Variants in NUTM1 observed in about 807,000 individuals in gnomAD.
NUTM1 encodes the protein NUT family member 1.
In NUTM1, 39 loss-of-function variants were observed where a neutral mutation model predicts 88.7. The observed-to-expected ratio is 0.44, with a 90% CI of 0.34 to 0.57. The LOEUF is 0.57. NUTM1 is among the 20% of genes least tolerant of loss of function. NUTM1 has a pLI of 0.01. For missense variants in NUTM1, 1,350 were observed against 1,414.5 expected (o/e 0.95, Z 0.73); for synonymous variants, 494 against 538.0 (o/e 0.92, Z 1.13).
intron 1 of NUTM1, among the ~76,000 whole-genome samples, chr15:34,344,442 G>A (rs541369569): frequency 6.8e-6 from 1 of 147,790 alleles, no homozygotes; most frequent in African/African-American, 2.5e-5. Flanking sequence ...GGCGGAGGTT[G>A]CAGTGAGCCA....
At position 34,355,205 on chromosome 15, in the gene NUTM1, G is replaced by A. The variant is rs546227657; in HGVS notation, c.1479+68G>A. The A allele has an allele frequency of 5.5e-5, 59 of 1,071,084 alleles. No homozygotes were observed. The African/African-American group carries it at 7.8e-4, about 14-fold the overall frequency. 66.3% of individuals were successfully genotyped at this position (1,071,084 alleles called of 1,614,324 possible). Reference sequence around the variant, plus strand: ...AGATTTTATCTAACCCTACACTGTCGTGGGTGATATGGCTCTAGAGATGAA... The same window carrying A: ...AGATTTTATCTAACCCTACACTGTCATGGGTGATATGGCTCTAGAGATGAA... On this transcript the variant is annotated intron_variant, in intron 7 of 7. Coordinates refer to ENST00000537011, the MANE Select transcript of NUTM1 (RefSeq NM_001284292.2). This position sits in a 1 kb window ranked among gnomAD's most constrained non-coding sequence, Gnocchi z 4.3.
At position 34,343,402 on chromosome 15, in the gene NUTM1, A is replaced by G. The variant is rs1048581115; in HGVS notation, c.-295A>G. On this transcript the variant is annotated 5_prime_UTR_variant, in exon 1 of 8. Transcript: ENST00000537011. The stretch of plus-strand genomic sequence containing the variant: ...CGTATAGAAGCCTGTCTTTGTCTCA[A>G]GATACACACCCATTTCAGGAGCAGT... 2 of 619,378 alleles carry G rather than the reference A, an allele frequency of 3.2e-6. No individual in the cohort carries two copies. The highest frequency in any genetic ancestry group is 5.6e-6 in the Non-Finnish European group (2 of 355,630). 38.4% of individuals were successfully genotyped at this position (619,378 alleles called of 1,614,324 possible). A position where few individuals can be genotyped will look rare whatever the true frequency, so the allele number is the denominator to read the frequency against.
rs376690507 is a variant in NUTM1, at chr15:34,357,480, C to T, written c.3472C>T (p.Arg1158Cys). Reference sequence around the variant, plus strand: ...CACGGGCAGAAGGAAGAAACGACGTCGTAGCCAGTAGGGAGCAGCGGGACC... The same window carrying T: ...CACGGGCAGAAGGAAGAAACGACGTTGTAGCCAGTAGGGAGCAGCGGGACC... Reference protein sequence around the residue: ...FVTGRRKKRRRSQ With the variant: ...FVTGRRKKRRCSQ The change falls in exon 8 of 8, where the codon CGT becomes TGT. Residue 1158 changes from arginine to cysteine, a missense_variant. Arg to Cys is a radical substitution (Grantham distance 180, BLOSUM62 -3). Transcript: ENST00000537011. 75 of 1,612,692 alleles carry T rather than the reference C, an allele frequency of 4.7e-5. No individual in the cohort carries two copies. In the Middle Eastern group the frequency reaches 8.2e-4, roughly 18 times the overall value.
Position 34,344,395 on chromosome 15 carries a change from C to T in NUTM1, c.6+693C>T, listed in dbSNP as rs192984044. 1.9e-3 allele frequency among the ~76,000 whole-genome samples: 277 copies of T among 144,834 alleles called. 1 individual carries two copies. Among genetic ancestry groups the T allele is most frequent in the Non-Finnish European group, 3.4e-3 (224 of 66,574 alleles). ...GCGGGCACCTGTAGTCCCAGCTACT[C>T]GGGAGGCTGAGGCAGGAGAATCACT... is the stretch of plus-strand genomic sequence containing the variant. On this transcript the variant is annotated intron_variant, in intron 1 of 7. Coordinates refer to ENST00000537011, the MANE Select transcript of NUTM1 (RefSeq NM_001284292.2).
At position 34,356,670 on chromosome 15, in the gene NUTM1, C is replaced by A; in HGVS notation, c.2662C>A (p.Pro888Thr). 2 of 1,613,816 alleles carry A rather than the reference C, an allele frequency of 1.2e-6. No homozygotes were observed. The highest frequency in any genetic ancestry group is 1.7e-6 in the Non-Finnish European group (2 of 1,179,954). Residue 888 changes from proline to threonine, a missense_variant, in exon 8 of 8, where the codon CCC (proline) becomes ACC (threonine). Physicochemically the swap from Pro to Thr is conservative, Grantham distance 38 (BLOSUM62 -1). This residue lies in a region of NUTM1 where 730 missense variants were observed against 728.8 expected (regional missense o/e 1.00). Coordinates refer to ENST00000537011, the MANE Select transcript of NUTM1 (RefSeq NM_001284292.2). The stretch of plus-strand genomic sequence containing the variant: ...GGGGTCTTCCAAAGAAACCCTTCCA[C>A]CCACATGCCAAGGCAATCTCCTTAT... ...TLGSSKETLP[P>T]TCQGNLLIMG...
chr15:34,355,987 G>T lies in NUTM1; in HGVS notation c.1979G>T (p.Ser660Ile). ...LCWQGGFQPESTPSLDAGLAE... is the reference protein window; with the variant it reads ...LCWQGGFQPEITPSLDAGLAE... ...TGGCAGGGAGGCTTCCAGCCTGAGAGCACTCCCAGTTTGGATGCTGGACTT... is the reference window on the plus strand; with the variant it reads ...TGGCAGGGAGGCTTCCAGCCTGAGATCACTCCCAGTTTGGATGCTGGACTT... The change falls in exon 8 of 8, where the codon AGC becomes ATC. Residue 660 changes from serine (S) to isoleucine (I), a missense_variant. Physicochemically the swap from Ser to Ile is moderately radical, Grantham distance 142 (BLOSUM62 -2). Transcript: ENST00000537011. The surrounding 1 kb of genome is among the most constrained non-coding windows in gnomAD (Gnocchi z 4.3). 1 of 1,614,194 alleles carries T rather than the reference G, an allele frequency of 6.2e-7. No homozygotes were observed. The highest frequency in any genetic ancestry group is 8.5e-7 in the Non-Finnish European group (1 of 1,180,026).
At chr15:34,354,132 G>T (rs1595612570) in intron 5 of NUTM1, among the ~76,000 whole-genome samples, 1 of 152,030 alleles carries the variant, frequency 6.6e-6, no homozygotes, top group Non-Finnish European at 1.5e-5. Flanking sequence ...TACCTCATCT[G>T]CCTAAGAAAT....
intron 4 of NUTM1, among the ~76,000 whole-genome samples, chr15:34,353,187 A>ATTCT (rs1249980546): frequency 6.8e-6 from 1 of 146,978 alleles, no homozygotes; most frequent in Non-Finnish European, 1.5e-5. Flanking sequence ...GCCTGGCCTC[A>ATTCT]TTCTTTACTT....
chr15:34,356,438 G>C lies in NUTM1; in HGVS notation c.2430G>C (p.Glu810Asp), dbSNP rs1890812104. The stretch of plus-strand genomic sequence containing the variant: ...AAACCCTAGTACCTGGGGATACGGA[G>C]AGCAGTGTGATTCCCTGTGGAGGCA... ...PGETLVPGDT[E>D]SSVIPCGGTV... The change falls in exon 8 of 8, where the codon GAG becomes GAC. Residue 810 changes from glutamate to aspartate, a missense_variant. Transcript: ENST00000537011. 2 of 1,611,204 alleles carry C rather than the reference G, an allele frequency of 1.2e-6. No individual in the cohort carries two copies. The highest frequency in any genetic ancestry group is 1.6e-4 in the Middle Eastern group (1 of 6,062).
In NUTM1 at chr15:34,343,625, G is replaced by A. The variant is rs1400600765; in HGVS notation, c.-72G>A. 2 of 1,535,236 alleles carry A rather than the reference G, an allele frequency of 1.3e-6. No individual in the cohort carries two copies. The highest frequency in any genetic ancestry group is 1.2e-5 in the South Asian group (1 of 84,046). On this transcript the variant is annotated 5_prime_UTR_variant, in exon 1 of 8. Coordinates refer to ENST00000537011, the MANE Select transcript of NUTM1 (RefSeq NM_001284292.2). ...GAGCGTAAAGTTATTTTATGAAACT[G>A]GTGAAGCATGTTTCAGCGGTCGAAC... is the stretch of plus-strand genomic sequence containing the variant.
At position 34,356,319 on chromosome 15, in the gene NUTM1, A is replaced by T; in HGVS notation, c.2311A>T (p.Ile771Leu). The change falls in exon 8 of 8, where the codon ATA becomes TTA. Residue 771 changes from isoleucine (I) to leucine (L), a missense_variant. By Grantham distance (5) the Ile-to-Leu change is conservative. Coordinates refer to ENST00000537011, the MANE Select transcript of NUTM1 (RefSeq NM_001284292.2). ...GCTGCCTGTACAAATAGAGGAGGTC[A>T]TAGAGAGCTTCCAAGTTGAGAAGTG... ...LELPVQIEEV[I>L]ESFQVEKCVT... The T allele has an allele frequency of 8.1e-6, 13 of 1,613,946 alleles. No homozygotes were observed. Among genetic ancestry groups the T allele is most frequent in the Non-Finnish European group, 1.0e-5 (12 of 1,179,976 alleles).
At position 34,346,412 on chromosome 15, in the gene NUTM1, G is replaced by A. The variant is rs571535258; in HGVS notation, c.100+377G>A. Reference sequence around the variant, plus strand: ...GGCCCAAGTTCATCTGTCTTTTTTAGGCAACTGGAGCCTGTTCTAGGATTT... The same window carrying A: ...GGCCCAAGTTCATCTGTCTTTTTTAAGCAACTGGAGCCTGTTCTAGGATTT... On this transcript the variant is annotated intron_variant, in intron 2 of 7. Coordinates refer to ENST00000537011, the MANE Select transcript of NUTM1 (RefSeq NM_001284292.2). Among the ~76,000 whole-genome samples the A allele has an allele frequency of 8.8e-4, 134 of 151,420 alleles. 1 individual carries two copies. The highest frequency in any genetic ancestry group is 3.1e-3 in the African/African-American group (129 of 41,256).
rs1180198396 is a variant in NUTM1, at chr15:34,348,659, C to A, written c.791C>A (p.Ala264Asp). 1.2e-6 allele frequency: 2 copies of A among 1,603,968 alleles called. No homozygotes were observed. Among genetic ancestry groups the A allele is most frequent in the Non-Finnish European group, 1.7e-6 (2 of 1,177,890 alleles). ...RHLSQSPDTE[A>D]LSCFLIPVLR... ...CTATCCCAGAGTCCTGACACAGAAGCTCTTTCCTGTTTTCTTATGTAAGTG... is the reference window on the plus strand; with the variant it reads ...CTATCCCAGAGTCCTGACACAGAAGATCTTTCCTGTTTTCTTATGTAAGTG... The change falls in exon 3 of 8, where the codon GCT (alanine) becomes GAT (aspartate). Residue 264 changes from alanine to aspartate, a missense_variant. Ala to Asp is a moderately radical substitution (Grantham distance 126). This residue lies in a region of NUTM1 where 399 missense variants were observed against 397.9 expected (regional missense o/e 1.00). Coordinates refer to ENST00000537011, the MANE Select transcript of NUTM1 (RefSeq NM_001284292.2).
At chr15:34,346,084 T>C (rs770420468) in intron 2 of NUTM1, 49 bp downstream of exon 2, 1 of 1,580,604 alleles carries the variant, frequency 6.3e-7, no homozygotes, top group African/African-American at 1.3e-5. Context: ...CTCATATCCT[T>C]TGAGACAAGC....
intron 1 of NUTM1, among the ~76,000 whole-genome samples, chr15:34,345,556 CA>C (rs1890570064): frequency 6.6e-6 from 1 of 152,126 alleles, no homozygotes; most frequent in Non-Finnish European, 1.5e-5. Flanking sequence ...TGAATTAAGT[CA>C]GGGGTCTACA....
intron 1 of NUTM1, among the ~76,000 whole-genome samples, chr15:34,344,086 G>A (rs1369828506): frequency 6.6e-6 from 1 of 151,830 alleles, no homozygotes; most frequent in Non-Finnish European, 1.5e-5. Flanking sequence ...GCCGGGCGTG[G>A]TGGTGGGCGC....
intron 3 of NUTM1, among the ~76,000 whole-genome samples, chr15:34,350,405 T>C (rs1346202765): frequency 6.6e-6 from 1 of 152,224 alleles, no homozygotes; most frequent in Admixed American, 6.5e-5. Flanking sequence ...TAATAATTAA[T>C]TGAGGATGGC....
At chr15:34,351,496 T>C (rs1236983362) in intron 4 of NUTM1, among the ~76,000 whole-genome samples, 1 of 152,108 alleles carries the variant, frequency 6.6e-6, no homozygotes, top group Non-Finnish European at 1.5e-5. Context: ...CTTGGGTTTT[T>C]CTATCCTGTT....
chr15:34,346,907 AG>A (rs1890603054), intron 2 of NUTM1, among the ~76,000 whole-genome samples: 1 of 149,244 alleles, frequency 6.7e-6, no homozygotes, highest in Non-Finnish European at 1.5e-5. Context: ...AAAAAAAAAA[AG>A]CAGCACTTAG....
Sources: gnomAD v4.1 joint callset for allele counts (sites outside exome capture counted in the v4.1 genomes callset) on GRCh38, gnomAD v4.1.1 for gene constraint, gnomAD v4.1.1 regional missense constraint, Gnocchi (gnomAD v3.1) non-coding constraint, MANE v1.5 for transcripts, NCBI Gene and HGNC (gene_info 2026-07-23, HGNC 2026-07-21) for gene names.